SLC8A1: variants seen among roughly 807,000 people sequenced by gnomAD.
The protein encoded by SLC8A1 is solute carrier family 8 member A1.
SLC8A1 carries 18 observed loss-of-function variants against 68.3 expected under a neutral mutation model. The observed-to-expected ratio is 0.26, with a 90% CI of 0.18 to 0.39. SLC8A1 has a LOEUF of 0.39. SLC8A1 is among the 10% of genes least tolerant of loss of function. The pLI is 1.00. For synonymous variants in SLC8A1, 475 were observed against 415.5 expected (o/e 1.14, Z -1.74); for missense variants, 985 against 1,156.7 (o/e 0.85, Z 2.15).
At chr2:40,273,082 A>G (rs1246645715) in intron 2 of SLC8A1, among the ~76,000 whole-genome samples, 1 of 152,066 alleles carries the variant, frequency 6.6e-6, no homozygotes, top group East Asian at 1.9e-4. Flanking sequence ...AGCTGGGATT[A>G]CAGGCGCGCG....
chr2:40,221,988 T>C (rs2058389925), intron 2 of SLC8A1, among the ~76,000 whole-genome samples: 1 of 152,074 alleles, frequency 6.6e-6, no homozygotes, highest in Non-Finnish European at 1.5e-5. Flanking sequence ...CAAGCTACCA[T>C]TGACTTTCAT....
chr2:40,327,152 T>G (rs2075915211), intron 2 of SLC8A1, among the ~76,000 whole-genome samples: 1 of 152,242 alleles, frequency 6.6e-6, no homozygotes, highest in South Asian at 2.1e-4. Context: ...GTTATACATT[T>G]GAAACCTATA....
intron 1 of SLC8A1, among the ~76,000 whole-genome samples, chr2:40,504,769 C>G (rs959176290): frequency 6.6e-6 from 1 of 151,574 alleles, no homozygotes; most frequent in African/African-American, 2.4e-5. Flanking sequence ...GATATCTCAC[C>G]CCAGGTAAAA....
intron 1 of SLC8A1, among the ~76,000 whole-genome samples, chr2:40,509,863 T>A (rs1410024741): frequency 6.6e-6 from 1 of 151,938 alleles, no homozygotes; most frequent in Non-Finnish European, 1.5e-5. Flanking sequence ...CAGGCTGGAG[T>A]GCAGTGGCAT....
exon 8 of SLC8A1, chr2:40,098,354 A>G (rs1363128985): frequency 3.3e-5 from 5 of 152,068 alleles, no homozygotes. Context: ...TTTACAAAAC[A>G]TTTGAGTATA....
At chr2:40,430,407 T>C in intron 1 of SLC8A1, 103 bp from the exon 2 acceptor site, 2 of 1,243,186 alleles carry the variant, frequency 1.6e-6, no homozygotes, top group South Asian at 3.3e-5. Context: ...TTACCAAAAT[T>C]TGTTTATATT....
intron 2 of SLC8A1, among the ~76,000 whole-genome samples, chr2:40,294,544 A>G (rs1446579448): frequency 1.3e-5 from 2 of 152,082 alleles, no homozygotes; most frequent in Non-Finnish European, 2.9e-5. Context: ...TTGCATATAT[A>G]TATATGGGGA....
chr2:40,113,222 C>T (rs1009540096), exon 8 of SLC8A1: 2 of 152,316 alleles, frequency 1.3e-5, no homozygotes, highest in Non-Finnish European at 2.9e-5. Context: ...TACTGAGTGA[C>T]AGAAGAAAAA....
chr2:40,423,082 G>A (rs1039991720), intron 2 of SLC8A1, among the ~76,000 whole-genome samples: 1 of 152,028 alleles, frequency 6.6e-6, no homozygotes, highest in African/African-American at 2.4e-5. Context: ...TCCTTTAAAG[G>A]ATGTATTCAG....
chr2:40,509,641 T>G (rs1025857037), intron 1 of SLC8A1, among the ~76,000 whole-genome samples: 2 of 151,944 alleles, frequency 1.3e-5, no homozygotes, highest in Non-Finnish European at 2.9e-5. Context: ...CTCTTGTTAT[T>G]GTCACACCAT....
At chr2:40,263,404 A>C (rs1400091738) in intron 2 of SLC8A1, among the ~76,000 whole-genome samples, 1 of 152,220 alleles carries the variant, frequency 6.6e-6, no homozygotes, top group Non-Finnish European at 1.5e-5. Flanking sequence ...AGTCAACCCC[A>C]AGCCAAAAGA....
chr2:40,257,270 C>T (rs188140547), intron 2 of SLC8A1, among the ~76,000 whole-genome samples: 2 of 152,232 alleles, frequency 1.3e-5, no homozygotes, highest in African/African-American at 4.8e-5. Context: ...ACTCTAGTGC[C>T]TTCCTAACAC....
At chr2:40,453,114 A>G (rs1559739358), upstream of SLC8A1, 2 of 152,150 alleles carry the variant, frequency 1.3e-5, no homozygotes. Context: ...GGCTAGACCT[A>G]CTGTGGAGTT....
At chr2:40,330,694 C>T (rs1386953397) in intron 2 of SLC8A1, among the ~76,000 whole-genome samples, 1 of 152,124 alleles carries the variant, frequency 6.6e-6, no homozygotes, top group Non-Finnish European at 1.5e-5. Context: ...TGTGGAAATT[C>T]TCTTCATTTT....
intron 2 of SLC8A1, among the ~76,000 whole-genome samples, chr2:40,381,212 G>C (rs1422969992): frequency 6.6e-6 from 1 of 151,956 alleles, no homozygotes. Flanking sequence ...GCTTGAAATG[G>C]TTTACTGCAT....
chr2:40,175,508 G>GTT (rs767393119), intron 3 of SLC8A1, among the ~76,000 whole-genome samples: 8 of 147,996 alleles, frequency 5.4e-5, no homozygotes, highest in African/African-American at 2.0e-4. Context: ...ATACGTATAT[G>GTT]TGTGTGTGTG....
chr2:40,253,408 GA>G (rs2063325094), intron 2 of SLC8A1, among the ~76,000 whole-genome samples: 1 of 151,838 alleles, frequency 6.6e-6, no homozygotes, highest in South Asian at 2.1e-4. Flanking sequence ...AACATGGATG[GA>G]ACTGGAGGAC....
At chr2:40,263,794 G>A (rs2149104609) in intron 2 of SLC8A1, among the ~76,000 whole-genome samples, 1 of 152,232 alleles carries the variant, frequency 6.6e-6, no homozygotes, top group South Asian at 2.1e-4. Context: ...CATGGGCAAG[G>A]ACTTCATGTC....
At chr2:40,399,629 T>C (rs563264720) in intron 2 of SLC8A1, among the ~76,000 whole-genome samples, 22 of 152,298 alleles carry the variant, frequency 1.4e-4, no homozygotes, top group Admixed American at 3.3e-4. Flanking sequence ...AATTGTTATG[T>C]TACCAAAAAT....
Sources: gnomAD v4.1 joint callset for allele counts (sites outside exome capture counted in the v4.1 genomes callset) on GRCh38, gnomAD v4.1.1 for gene constraint, MANE v1.5 for transcripts, NCBI Gene and HGNC (gene_info 2026-07-23, HGNC 2026-07-21) for gene names.